The following CFAP58 variants were observed in gnomAD, a reference collection of about 807,000 sequenced individuals.
CFAP58 encodes cilia and flagella associated protein 58.
In CFAP58, 88 loss-of-function variants were observed where a neutral mutation model predicts 119.5. That is an observed-to-expected ratio of 0.74 (90% CI 0.62 to 0.88). The LOEUF (loss-of-function observed/expected upper bound fraction) is 0.88. CFAP58 is among the 40% of genes least tolerant of loss of function. The probability of loss-of-function intolerance (pLI) is 0.00; values close to 1 mark genes in which losing one functional copy is unlikely to be tolerated. For missense variants in CFAP58, 990 were observed against 1,021.2 expected (o/e 0.97, Z 0.42); for synonymous variants, 365 against 366.3 (o/e 1.00, Z 0.04).
the CFAP58 span, among the ~76,000 whole-genome samples, chr10:104,348,736 C>T: frequency 1.5e-4 from 23 of 152,152 alleles, no homozygotes; most frequent in Admixed American, 2.6e-4. Context: ...AACTTCCTTC[C>T]GTGTCTCTAA....
chr10:104,423,997 G>A (rs1252463631), intron 15 of CFAP58, among the ~76,000 whole-genome samples: 2 of 152,126 alleles, frequency 1.3e-5, no homozygotes, highest in Non-Finnish European at 2.9e-5. Context: ...GATTTTAGGG[G>A]AATTTATAGA....
At chr10:104,443,288 C>T (rs902432649) in intron 15 of CFAP58, among the ~76,000 whole-genome samples, 3 of 152,124 alleles carry the variant, frequency 2.0e-5, no homozygotes, top group African/African-American at 7.2e-5. Context: ...TATCTTGAAC[C>T]CATTGGGTAA....
chr10:104,401,122 G>C (rs1006531407), intron 13 of CFAP58, among the ~76,000 whole-genome samples: 2 of 152,270 alleles, frequency 1.3e-5, no homozygotes, highest in East Asian at 1.9e-4. Context: ...TTCCTTTCGG[G>C]GGGGTAAGGG....
rs1200675800 is a variant in CFAP58, at chr10:104,357,853, A to G, written c.10-488A>G. 2.5e-4 allele frequency among the ~76,000 whole-genome samples: 11 copies of G among 44,146 alleles called. 1 individual carries two copies. Among genetic ancestry groups the G allele is most frequent in the African/African-American group, 7.9e-4 (9 of 11,462 alleles). 29.0% of individuals were successfully genotyped at this position (44,146 alleles called of 152,430 possible). On this transcript the variant is annotated intron_variant, in intron 1 of 17. Coordinates refer to ENST00000369704, the MANE Select transcript of CFAP58 (RefSeq NM_001008723.2). ...CATATATGTACACATATGTACACAT[A>G]TATACACATATATACACATATATGT... is the stretch of plus-strand genomic sequence containing the variant.
intron 15 of CFAP58, among the ~76,000 whole-genome samples, chr10:104,412,518 A>G (rs1176027114): frequency 1.3e-5 from 2 of 152,130 alleles, no homozygotes; most frequent in African/African-American, 4.8e-5. Flanking sequence ...TGAAGCCCCA[A>G]GTGTTCCATA....
At chr10:104,439,899 A>C (rs2013007902) in intron 15 of CFAP58, among the ~76,000 whole-genome samples, 1 of 152,136 alleles carries the variant, frequency 6.6e-6, no homozygotes, top group South Asian at 2.1e-4. Context: ...GGCTCACTGC[A>C]AGCTCCGCCT....
At chr10:104,426,861 G>C (rs2012759119) in intron 15 of CFAP58, among the ~76,000 whole-genome samples, 1 of 152,214 alleles carries the variant, frequency 6.6e-6, no homozygotes, top group Non-Finnish European at 1.5e-5. Context: ...TGTTTAAGAA[G>C]TGATTATTTT....
chr10:104,391,562 C>T (rs994207498), intron 9 of CFAP58, among the ~76,000 whole-genome samples: 7 of 152,090 alleles, frequency 4.6e-5, no homozygotes, highest in Non-Finnish European at 7.4e-5. Context: ...GTCATGATGA[C>T]GTCATTGCTA....
At chr10:104,453,657 A>T (rs2013228502) in intron 17 of CFAP58, among the ~76,000 whole-genome samples, 1 of 151,988 alleles carries the variant, frequency 6.6e-6, no homozygotes. Flanking sequence ...CAGTTTGCTT[A>T]ATTTTTATTG....
chr10:104,391,058 C>A (rs958711645), intron 9 of CFAP58, among the ~76,000 whole-genome samples: 1 of 151,962 alleles, frequency 6.6e-6, no homozygotes, highest in Non-Finnish European at 1.5e-5. Context: ...AGAATAGAAC[C>A]AGACTTCTCA....
chr10:104,441,583 C>T (rs1426742316), intron 15 of CFAP58, among the ~76,000 whole-genome samples: 1 of 152,202 alleles, frequency 6.6e-6, no homozygotes, highest in African/African-American at 2.4e-5. Flanking sequence ...AATAAAGTCC[C>T]TTGCAAAAAC....
intron 13 of CFAP58, among the ~76,000 whole-genome samples, chr10:104,402,036 T>C (rs938459183): frequency 1.2e-4 from 18 of 152,182 alleles, no homozygotes; most frequent in Admixed American, 1.1e-3. Context: ...CCATTCAGTA[T>C]TGCTAGTTTG....
chr10:104,403,503 C>A (rs1374554708), intron 13 of CFAP58, among the ~76,000 whole-genome samples: 2 of 141,000 alleles, frequency 1.4e-5, no homozygotes, highest in African/African-American at 2.8e-5. Context: ...GACTCTGAAG[C>A]CCTGGCACTT....
At chr10:104,435,179 G>T (rs149140016) in intron 15 of CFAP58, among the ~76,000 whole-genome samples, 1 of 152,188 alleles carries the variant, frequency 6.6e-6, no homozygotes, top group Non-Finnish European at 1.5e-5. Flanking sequence ...ATAAATTCAT[G>T]TTTAAATAGA....
upstream of CFAP58, among the ~76,000 whole-genome samples, chr10:104,348,908 G>A (rs956295447): frequency 6.6e-6 from 1 of 152,046 alleles, no homozygotes; most frequent in African/African-American, 2.4e-5. Context: ...ATGTTAGTTC[G>A]CTAGGGCTGT....
At chr10:104,383,611 T>G (rs2011861542) in intron 9 of CFAP58, among the ~76,000 whole-genome samples, 1 of 152,226 alleles carries the variant, frequency 6.6e-6, no homozygotes, top group Non-Finnish European at 1.5e-5. Context: ...AAAATATTAC[T>G]TATCACCTAC....
chr10:104,343,570 A>G, the CFAP58 span, among the ~76,000 whole-genome samples: 1 of 149,564 alleles, frequency 6.7e-6, no homozygotes, highest in Admixed American at 6.7e-5. Flanking sequence ...GTATACTCAC[A>G]CATACAAGTG....
At chr10:104,407,465 A>T (rs1428509218) in intron 15 of CFAP58, among the ~76,000 whole-genome samples, 1 of 152,128 alleles carries the variant, frequency 6.6e-6, no homozygotes, top group Non-Finnish European at 1.5e-5. Flanking sequence ...TTTAGTGTGG[A>T]TGAGAATGTC....
intron 4 of CFAP58, 94 bp downstream of exon 4, chr10:104,364,983 T>TTACCCCC: frequency 7.5e-7 from 1 of 1,332,532 alleles, no homozygotes; most frequent in Admixed American, 2.7e-5. Context: ...TTTCTCAAAT[T>TTACCCCC]TACCCCCTAG....
Sources: allele counts gnomAD v4.1 joint callset (sites outside exome capture counted in the v4.1 genomes callset), GRCh38; gene constraint gnomAD v4.1.1; transcripts MANE v1.5; gene names NCBI Gene and HGNC (gene_info 2026-07-23, HGNC 2026-07-21).